Variants in RASSF3 observed in about 807,000 individuals in gnomAD.
The protein encoded by RASSF3 is Ras association domain family member 3, also known as ras association domain-containing protein 3.
RASSF3 carries 19 observed loss-of-function variants against 19.9 expected under a neutral mutation model. The observed-to-expected ratio is 0.96, with a 90% CI of 0.67 to 1.40. The LOEUF is 1.40. RASSF3 is among the 40% of genes most tolerant of loss of function. RASSF3 has a pLI of 0.00. For missense variants in RASSF3, 306 were observed against 289.8 expected (o/e 1.06, Z -0.41); for synonymous variants, 110 against 104.2 (o/e 1.06, Z -0.34).
intron 1 of RASSF3, among the ~76,000 whole-genome samples, chr12:64,644,397 A>G (rs138361436): frequency 9.8e-4 from 149 of 152,224 alleles, no homozygotes; most frequent in African/African-American, 3.5e-3. Context: ...ATCTGTTTAC[A>G]TATCAATATG....
chr12:64,534,463 C>G (rs1330354861), intron 1 of RASSF3, among the ~76,000 whole-genome samples: 1 of 152,100 alleles, frequency 6.6e-6, no homozygotes, highest in Non-Finnish European at 1.5e-5. Context: ...CCACTGCACT[C>G]TAGCCTGGGT....
At chr12:64,595,333 G>T (rs1869983702) in intron 2 of RASSF3, among the ~76,000 whole-genome samples, 1 of 152,042 alleles carries the variant, frequency 6.6e-6, no homozygotes, top group South Asian at 2.1e-4. Flanking sequence ...CTCCCAAAGT[G>T]CTGGGATTAC....
At chr12:64,559,556 A>C (rs1056514926) in intron 2 of RASSF3, among the ~76,000 whole-genome samples, 9 of 152,072 alleles carry the variant, frequency 5.9e-5, no homozygotes, top group African/African-American at 2.2e-4. Context: ...GGTGTGAGCC[A>C]CCGCGCCTGG....
At chr12:64,508,258 T>C (rs1868303738) in intron 1 of RASSF3, among the ~76,000 whole-genome samples, 1 of 152,176 alleles carries the variant, frequency 6.6e-6, no homozygotes, top group South Asian at 2.1e-4. Context: ...CTCACACCTG[T>C]AATCTCAGCA....
intron 2 of RASSF3, among the ~76,000 whole-genome samples, chr12:64,687,481 GT>G (rs540514472): frequency 2.0e-3 from 287 of 143,054 alleles, no homozygotes; most frequent in Non-Finnish European, 3.6e-3. Flanking sequence ...TTTGTTTTTT[GT>G]TTTTTTTTTT....
intron 1 of RASSF3, among the ~76,000 whole-genome samples, chr12:64,626,420 G>A (rs1310148589): frequency 4.7e-5 from 7 of 149,682 alleles, no homozygotes; most frequent in Admixed American, 1.3e-4. Context: ...CTTAGGAGGC[G>A]GAGGTTGCAG....
At chr12:64,644,150 AT>A (rs1246895835) in intron 1 of RASSF3, among the ~76,000 whole-genome samples, 1 of 152,212 alleles carries the variant, frequency 6.6e-6, no homozygotes, top group Non-Finnish European at 1.5e-5. Flanking sequence ...ATCAGTTTAA[AT>A]TGCATTAAAA....
At chr12:64,568,382 T>C (rs919242997) in intron 2 of RASSF3, among the ~76,000 whole-genome samples, 4 of 152,156 alleles carry the variant, frequency 2.6e-5, no homozygotes, top group Non-Finnish European at 5.9e-5. Flanking sequence ...AACATATATA[T>C]ATCAGAAAAT....
chr12:64,553,976 C>CAAAAAAAAAA (rs1021865573), intron 2 of RASSF3, among the ~76,000 whole-genome samples: 1 of 83,510 alleles, frequency 1.2e-5, no homozygotes, highest in African/African-American at 3.9e-5. Context: ...GATCCTGTCT[C>CAAAAAAAAAA]AAAAAAAAAA....
intron 2 of RASSF3, among the ~76,000 whole-genome samples, chr12:64,685,316 G>A (rs6581583): frequency 2.0e-3 from 298 of 152,216 alleles, no homozygotes; most frequent in African/African-American, 6.9e-3. Flanking sequence ...CACGATCACC[G>A]CTCACTGCAG....
intron 2 of RASSF3, among the ~76,000 whole-genome samples, chr12:64,569,691 C>T (rs557372632): frequency 2.0e-5 from 3 of 152,332 alleles, no homozygotes; most frequent in Non-Finnish European, 4.4e-5. Context: ...TTAAGCTGGG[C>T]GCAGTGGCTC....
intron 1 of RASSF3, among the ~76,000 whole-genome samples, chr12:64,653,766 T>G (rs1189350617): frequency 6.6e-6 from 1 of 152,166 alleles, no homozygotes; most frequent in East Asian, 1.9e-4. Flanking sequence ...TAGGCTGGTC[T>G]TGAATTCTTG....
In RASSF3 at chr12:64,620,735, A is replaced by G. The variant is rs976211894; in HGVS notation, c.111+9992A>G. Among the ~76,000 whole-genome samples, 4 of 152,138 alleles carry G rather than the reference A, an allele frequency of 2.6e-5. No homozygotes were observed. The East Asian group carries it at 7.7e-4, about 29-fold the overall frequency. On this transcript the variant is annotated intron_variant, in intron 1 of 4. Coordinates refer to ENST00000542104, the MANE Select transcript of RASSF3 (RefSeq NM_178169.4). ...TTCCATTATGGATTAATTTTATAGGATAGTTGTACAAAAATGGAATTTTAC... is the reference window on the plus strand; with the variant it reads ...TTCCATTATGGATTAATTTTATAGGGTAGTTGTACAAAAATGGAATTTTAC...
At chr12:64,564,316 T>A (rs929779357) in intron 2 of RASSF3, among the ~76,000 whole-genome samples, 1 of 152,202 alleles carries the variant, frequency 6.6e-6, no homozygotes, top group Admixed American at 6.5e-5. Flanking sequence ...CTTTATTGGA[T>A]TGGGGACTGA....
chr12:64,633,872 AC>A (rs1440678227), intron 1 of RASSF3, among the ~76,000 whole-genome samples: 1 of 152,178 alleles, frequency 6.6e-6, no homozygotes, highest in African/African-American at 2.4e-5. Context: ...GGGGTGGCTC[AC>A]GCCTATAGTC....
chr12:64,627,724 C>G (rs1459968528), intron 1 of RASSF3, among the ~76,000 whole-genome samples: 1 of 152,138 alleles, frequency 6.6e-6, no homozygotes, highest in Non-Finnish European at 1.5e-5. Context: ...CTTATGTATT[C>G]ATGTGGAAAT....
intron 1 of RASSF3, among the ~76,000 whole-genome samples, chr12:64,659,132 C>G: frequency 6.6e-6 from 1 of 152,296 alleles, no homozygotes; most frequent in South Asian, 2.1e-4. Context: ...ACTCTAGTTT[C>G]AAACATACAC....
intron 1 of RASSF3, among the ~76,000 whole-genome samples, chr12:64,641,961 C>G (rs963737742): frequency 6.6e-6 from 1 of 151,894 alleles, no homozygotes; most frequent in African/African-American, 2.4e-5. Flanking sequence ...AGGCTGGTCT[C>G]GAACTCCCGA....
At chr12:64,588,329 C>G (rs906564923) in intron 2 of RASSF3, among the ~76,000 whole-genome samples, 32 of 152,082 alleles carry the variant, frequency 2.1e-4, no homozygotes, top group African/African-American at 7.7e-4. Context: ...GAGGGCTATA[C>G]AAAAACACTA....
Sources: allele counts gnomAD v4.1 joint callset (sites outside exome capture counted in the v4.1 genomes callset), GRCh38; gene constraint gnomAD v4.1.1; transcripts MANE v1.5; gene names NCBI Gene and HGNC (gene_info 2026-07-23, HGNC 2026-07-21).